The following CPQ variants were observed in gnomAD, a reference collection of about 807,000 sequenced individuals.
CPQ encodes the protein carboxypeptidase Q.
A neutral mutation model predicts 45.7 loss-of-function variants in CPQ; 37 were observed. That is an observed-to-expected ratio of 0.81 (90% CI 0.62 to 1.07). The LOEUF (loss-of-function observed/expected upper bound fraction) is 1.07, where lower values mean the gene tolerates loss of function less well. CPQ is among the 50% of genes least tolerant of loss of function. The pLI is 0.00. For missense variants in CPQ, 537 were observed against 572.9 expected, an observed-to-expected ratio of 0.94 and a Z score of 0.64; for synonymous variants, 186 against 205.8, an observed-to-expected ratio of 0.90 and a Z score of 0.82.
chr8:96,871,203 T>G (rs1201402825), intron 3 of CPQ, among the ~76,000 whole-genome samples: 2 of 151,984 alleles, frequency 1.3e-5, no homozygotes, highest in Non-Finnish European at 2.9e-5. Flanking sequence ...AAGACTAAAA[T>G]ATGTGTCTAT....
At chr8:96,675,163 T>C (rs2130723791) in intron 1 of CPQ, among the ~76,000 whole-genome samples, 1 of 152,244 alleles carries the variant, frequency 6.6e-6, no homozygotes, top group East Asian at 1.9e-4. Context: ...AAAGAGTATG[T>C]AGTGAAATGT....
chr8:96,753,575 A>G (rs1451370706), intron 1 of CPQ, among the ~76,000 whole-genome samples: 1 of 139,454 alleles, frequency 7.2e-6, no homozygotes, highest in African/African-American at 2.5e-5. Flanking sequence ...AGTATTATGT[A>G]TTGACCTTTC....
At chr8:96,878,706 A>C (rs1812180711) in intron 3 of CPQ, among the ~76,000 whole-genome samples, 1 of 152,232 alleles carries the variant, frequency 6.6e-6, no homozygotes, top group Non-Finnish European at 1.5e-5. Context: ...GTGTTTGTGC[A>C]TGTGGAGACT....
intron 7 of CPQ, among the ~76,000 whole-genome samples, chr8:97,139,523 CAAAG>C (rs1287702986): frequency 6.6e-6 from 1 of 151,894 alleles, no homozygotes; most frequent in Non-Finnish European, 1.5e-5. Flanking sequence ...CAACAAAATT[CAAAG>C]AATCTATATC....
chr8:96,843,655 G>T lies in CPQ; in HGVS notation c.641+8475G>T, dbSNP rs1053591008. 2.0e-5 allele frequency among the ~76,000 whole-genome samples: 3 copies of T among 152,138 alleles called. No individual in the cohort carries two copies. The South Asian group carries it at 6.2e-4, about 31-fold the overall frequency. On this transcript the variant is annotated intron_variant, in intron 3 of 7. Transcript: ENST00000220763. ...TCGCCAGGGCTGTGCTCTATACCTGGCACACAGTAGTGCTGGAATAAATAA... is the reference window on the plus strand; with the variant it reads ...TCGCCAGGGCTGTGCTCTATACCTGTCACACAGTAGTGCTGGAATAAATAA...
At chr8:96,857,925 G>A (rs890387814) in intron 3 of CPQ, among the ~76,000 whole-genome samples, 3 of 152,160 alleles carry the variant, frequency 2.0e-5, no homozygotes, top group Non-Finnish European at 4.4e-5. Flanking sequence ...CAGTGAATGG[G>A]GCCCTGCAAA....
At chr8:96,697,665 C>T (rs1342274619) in intron 1 of CPQ, among the ~76,000 whole-genome samples, 3 of 152,050 alleles carry the variant, frequency 2.0e-5, no homozygotes, top group Admixed American at 6.6e-5. Flanking sequence ...AGTAAGGTGG[C>T]AGGATACAAA....
chr8:96,844,686 C>T (rs1408921462), intron 3 of CPQ, among the ~76,000 whole-genome samples: 1 of 152,172 alleles, frequency 6.6e-6, no homozygotes, highest in Non-Finnish European at 1.5e-5. Flanking sequence ...TCACTGTCAT[C>T]ATTAGATAGT....
intron 5 of CPQ, among the ~76,000 whole-genome samples, chr8:97,004,182 C>T (rs1280048175): frequency 6.6e-6 from 1 of 151,196 alleles, no homozygotes; most frequent in Non-Finnish European, 1.5e-5. Flanking sequence ...CATTAATATC[C>T]TTAATACATA....
intron 4 of CPQ, among the ~76,000 whole-genome samples, chr8:96,941,113 C>T (rs532239133): frequency 2.0e-4 from 31 of 152,196 alleles, no homozygotes; most frequent in African/African-American, 7.2e-4. Context: ...GGCCCTCTCC[C>T]TTAGAAGCAT....
At chr8:96,934,531 A>G (rs1216573394) in intron 4 of CPQ, among the ~76,000 whole-genome samples, 1 of 152,180 alleles carries the variant, frequency 6.6e-6, no homozygotes, top group Non-Finnish European at 1.5e-5. Context: ...ACTTCAGCTC[A>G]GAAGTTTGTT....
chr8:96,792,410 T>G (rs1402339513), intron 2 of CPQ, among the ~76,000 whole-genome samples: 1 of 152,192 alleles, frequency 6.6e-6, no homozygotes, highest in East Asian at 1.9e-4. Context: ...TCTTCATGGT[T>G]TATGGTCTCT....
At chr8:96,993,354 C>G (rs1370080587) in intron 5 of CPQ, among the ~76,000 whole-genome samples, 1 of 152,098 alleles carries the variant, frequency 6.6e-6, no homozygotes, top group Admixed American at 6.6e-5. Context: ...TTCTTGCTCA[C>G]TTTTAGTACA....
At chr8:96,700,077 T>C (rs752245137) in intron 1 of CPQ, among the ~76,000 whole-genome samples, 1 of 152,078 alleles carries the variant, frequency 6.6e-6, no homozygotes, top group Non-Finnish European at 1.5e-5. Flanking sequence ...TGGCTAGATG[T>C]TGCATGAGGT....
At chr8:96,799,337 T>C (rs1810977069) in intron 2 of CPQ, among the ~76,000 whole-genome samples, 1 of 152,208 alleles carries the variant, frequency 6.6e-6, no homozygotes, top group Non-Finnish European at 1.5e-5. Context: ...AGCCAATAAG[T>C]TCAGTCCATT....
At chr8:96,775,836 A>G (rs1810598108) in intron 1 of CPQ, among the ~76,000 whole-genome samples, 1 of 152,146 alleles carries the variant, frequency 6.6e-6, no homozygotes, top group South Asian at 2.1e-4. Flanking sequence ...GTGACAAGTA[A>G]AAGTGCTCCC....
chr8:96,835,242 C>T, intron 3 of CPQ, 62 bp downstream of exon 3: 1 of 1,288,598 alleles, frequency 7.8e-7, no homozygotes, highest in African/African-American at 1.5e-5. Flanking sequence ...AAGGAAAAGT[C>T]CTTATGAAGT....
chr8:96,792,634 C>G (rs1243282040), intron 2 of CPQ, among the ~76,000 whole-genome samples: 1 of 152,092 alleles, frequency 6.6e-6, no homozygotes, highest in Non-Finnish European at 1.5e-5. Context: ...GAGTCTTATC[C>G]ATTTCTATAT....
intron 1 of CPQ, among the ~76,000 whole-genome samples, chr8:96,743,949 C>T (rs1810134910): frequency 6.6e-6 from 1 of 152,214 alleles, no homozygotes; most frequent in Admixed American, 6.5e-5. Context: ...GCCCTGCCCC[C>T]AGAGGTGGAG....
Sources: allele counts gnomAD v4.1 joint callset (sites outside exome capture counted in the v4.1 genomes callset), GRCh38; gene constraint gnomAD v4.1.1; transcripts MANE v1.5; gene names NCBI Gene and HGNC (gene_info 2026-07-23, HGNC 2026-07-21).